The following CACNA1E variants were observed in gnomAD, a reference collection of about 807,000 sequenced individuals.
The protein encoded by CACNA1E is calcium voltage-gated channel subunit alpha1 E, also known as voltage-dependent R-type calcium channel subunit alpha-1E.
Under a neutral mutation model 259.2 loss-of-function variants are expected in CACNA1E, and 40 were observed. The observed-to-expected ratio is 0.15, with a 90% CI of 0.12 to 0.20. The LOEUF (loss-of-function observed/expected upper bound fraction) is 0.20. Ranked by LOEUF, CACNA1E falls within the 10% of genes least tolerant of loss-of-function variation. CACNA1E has a pLI of 1.00. For missense variants in CACNA1E, 1,874 were observed against 3,040.1 expected, an observed-to-expected ratio of 0.62 and a Z score of 9.02; for synonymous variants, 1,104 against 1,138.5, an observed-to-expected ratio of 0.97 and a Z score of 0.61.
chr1:181,781,308 G>T, intron 38 of CACNA1E, 119 bp from the exon 39 acceptor site: 2 of 640,404 alleles, frequency 3.1e-6, no homozygotes, highest in Non-Finnish European at 2.9e-6. Flanking sequence ...TGCTCTCTGG[G>T]AATGCCTATT....
intron 2 of CACNA1E, among the ~76,000 whole-genome samples, chr1:181,473,885 A>G (rs1007384898): frequency 2.0e-5 from 3 of 152,236 alleles, no homozygotes; most frequent in African/African-American, 4.8e-5. Context: ...AGTTCCTTTC[A>G]GTCTTGCTTC....
chr1:181,638,628 C>T lies in CACNA1E; in HGVS notation c.952-12710C>T, dbSNP rs143834261. On this transcript the variant is annotated intron_variant, in intron 6 of 47. Transcript: ENST00000367573. ...TTGTGATATGGTTTGGCTGTGTCCC[C>T]GCCCAAAATCTCATCTTGAGTTGTA... 8.8e-3 allele frequency among the ~76,000 whole-genome samples: 1,335 copies of T among 152,194 alleles called. 23 individuals carry two copies. Among genetic ancestry groups the T allele is most frequent in the African/African-American group, 0.031 (1,280 of 41,524 alleles).
chr1:181,606,609 T>C (rs1413277126), intron 6 of CACNA1E, among the ~76,000 whole-genome samples: 1 of 152,232 alleles, frequency 6.6e-6, no homozygotes, highest in Non-Finnish European at 1.5e-5. Flanking sequence ...TTTTAAACAA[T>C]GCAAATGTCC....
chr1:181,640,243 A>G (rs1657624493), intron 6 of CACNA1E, among the ~76,000 whole-genome samples: 2 of 152,330 alleles, frequency 1.3e-5, no homozygotes, highest in East Asian at 1.9e-4. Context: ...TCATAGGGCC[A>G]TCTTGGAGTG....
intron 6 of CACNA1E, among the ~76,000 whole-genome samples, chr1:181,616,403 C>G (rs1655213219): frequency 6.6e-6 from 1 of 151,728 alleles, no homozygotes; most frequent in Admixed American, 6.6e-5. Flanking sequence ...AGTGGAGAAT[C>G]AATCTGTTAT....
intron 6 of CACNA1E, among the ~76,000 whole-genome samples, chr1:181,581,256 T>C (rs182054613): frequency 3.3e-5 from 5 of 152,152 alleles, no homozygotes; most frequent in African/African-American, 9.6e-5. Flanking sequence ...ACCAATTAAG[T>C]AGGAATATTT....
chr1:181,695,775 C>T (rs1032519189), intron 7 of CACNA1E, among the ~76,000 whole-genome samples: 1 of 152,022 alleles, frequency 6.6e-6, no homozygotes, highest in Non-Finnish European at 1.5e-5. Context: ...GCCAACATGG[C>T]GAAACCCCAT....
chr1:181,791,978 G>GA, intron 44 of CACNA1E, among the ~76,000 whole-genome samples: 1 of 152,322 alleles, frequency 6.6e-6, no homozygotes, highest in South Asian at 2.1e-4. Flanking sequence ...TTGTGTGGGG[G>GA]AGACAGTTAG....
intron 46 of CACNA1E, among the ~76,000 whole-genome samples, chr1:181,795,727 G>C (rs1252986333): frequency 7.0e-6 from 1 of 143,650 alleles, no homozygotes; most frequent in Non-Finnish European, 1.5e-5. Flanking sequence ...GGCGTGAGCC[G>C]CTGCACCTGG....
At chr1:181,592,303 T>C (rs1054375247) in intron 6 of CACNA1E, among the ~76,000 whole-genome samples, 6 of 152,084 alleles carry the variant, frequency 3.9e-5, no homozygotes, top group African/African-American at 9.7e-5. Context: ...AAATATCCAC[T>C]GATGGATTGA....
chr1:181,587,830 C>T (rs1466329956), intron 6 of CACNA1E, among the ~76,000 whole-genome samples: 1 of 152,150 alleles, frequency 6.6e-6, no homozygotes, highest in South Asian at 2.1e-4. Context: ...TTGCAGTGAG[C>T]CGAGATAGCG....
intron 12 of CACNA1E, among the ~76,000 whole-genome samples, chr1:181,718,516 T>G (rs2102468759): frequency 6.6e-6 from 1 of 152,072 alleles, no homozygotes; most frequent in East Asian, 1.9e-4. Flanking sequence ...AAGGACTTGA[T>G]TTTAGAGGTG....
chr1:181,626,077 C>T (rs552583046), intron 6 of CACNA1E, among the ~76,000 whole-genome samples: 1 of 152,262 alleles, frequency 6.6e-6, no homozygotes, highest in South Asian at 2.1e-4. Context: ...AGCATACCAA[C>T]TTACATAAAC....
intron 27 of CACNA1E, among the ~76,000 whole-genome samples, chr1:181,753,653 C>A (rs1657796189): frequency 1.3e-5 from 2 of 152,156 alleles, no homozygotes; most frequent in African/African-American, 4.8e-5. Context: ...GGGGAGGGCT[C>A]TTGTGCACTT....
At chr1:181,610,737 C>A (rs1654683715) in intron 6 of CACNA1E, among the ~76,000 whole-genome samples, 1 of 152,172 alleles carries the variant, frequency 6.6e-6, no homozygotes. Flanking sequence ...CACATTGGAG[C>A]ATCTTGGGTG....
chr1:181,546,419 C>G (rs1647480532), intron 3 of CACNA1E, among the ~76,000 whole-genome samples: 2 of 152,158 alleles, frequency 1.3e-5, no homozygotes, highest in Admixed American at 1.3e-4. Flanking sequence ...GCCTCAGCCC[C>G]CTTGACTTTC....
In CACNA1E at chr1:181,799,416, G is replaced by A. The variant is rs751342332; in HGVS notation, c.*582G>A. ...GATGCCAGGGAGGGAGGAGAAAGCC[G>A]AAGCGAAAGGGGTCAGGGTGCTGAG... On this transcript the variant is annotated 3_prime_UTR_variant, in exon 48 of 48. Transcript: ENST00000367573. 6.5e-6 allele frequency: 1 copy of A among 153,290 alleles called. No individual in the cohort carries two copies. 9.5% of individuals were successfully genotyped at this position (153,290 alleles called of 1,614,324 possible). A position where few individuals can be genotyped will look rare whatever the true frequency, so the allele number is the denominator to read the frequency against.
intron 25 of CACNA1E, among the ~76,000 whole-genome samples, chr1:181,746,987 A>G (rs1406089445): frequency 6.6e-6 from 1 of 152,260 alleles, no homozygotes; most frequent in Non-Finnish European, 1.5e-5. Flanking sequence ...AATGTATTTA[A>G]TGTCTGCTAT....
chr1:181,324,411 A>G (rs567508097), intron 1 of CACNA1E, among the ~76,000 whole-genome samples: 1 of 152,362 alleles, frequency 6.6e-6, no homozygotes, highest in Non-Finnish European at 1.5e-5. Flanking sequence ...AATAGGATCT[A>G]TATCACAGAT....
Sources: allele counts gnomAD v4.1 joint callset (sites outside exome capture counted in the v4.1 genomes callset), GRCh38; gene constraint gnomAD v4.1.1; transcripts MANE v1.5; gene names NCBI Gene and HGNC (gene_info 2026-07-23, HGNC 2026-07-21).